Variants in PON3 observed in about 807,000 individuals in gnomAD.
PON3 encodes paraoxonase 3.
Under a neutral mutation model 36.3 loss-of-function variants are expected in PON3, and 37 were observed. The observed-to-expected ratio is 1.02, with a 90% CI of 0.78 to 1.34. The LOEUF is 1.34. Ranked by LOEUF, PON3 falls within the 40% of genes most tolerant of loss-of-function variation. The pLI is 0.00. For synonymous variants in PON3, 155 were observed against 154.8 expected (o/e 1.00, Z -0.01); for missense variants, 415 against 426.5 (o/e 0.97, Z 0.24).
At chr7:95,381,483 G>T (rs112004816) in intron 3 of PON3, among the ~76,000 whole-genome samples, 2,698 of 152,146 alleles carry the variant, frequency 0.018, 71 homozygotes, top group African/African-American at 0.061. Context: ...ACACACATAG[G>T]CTCAAAATAA....
At position 95,360,062 on chromosome 7, in the gene PON3, C is replaced by T; in HGVS notation, c.976G>A (p.Val326Met). ...VSTVYANNGS[V>M]LQGTSVASVY... ...GAAGCCACAGAGGTGCCCTGAAGCA[C>T]AGAGCCATTGTTGGCATACACGGTG... Residue 326 changes from valine to methionine, a missense_variant, in exon 9 of 9, where the codon GTG (valine) becomes ATG (methionine). Val to Met is a conservative substitution (Grantham distance 21). Transcript: ENST00000265627. The T allele has an allele frequency of 6.2e-7, 1 of 1,613,238 alleles. No homozygotes were observed. Among genetic ancestry groups the T allele is most frequent in the Non-Finnish European group, 8.5e-7 (1 of 1,179,610 alleles).
In PON3 at chr7:95,363,926, TC is replaced by T. The variant is rs755937708; in HGVS notation, c.631del (p.Glu211ArgfsTer26). On this transcript the variant is annotated frameshift_variant, in exon 6 of 9. Coordinates refer to ENST00000265627, the MANE Select transcript of PON3 (RefSeq NM_000940.3). LOFTEE classifies it high-confidence loss of function. Reference protein sequence around the residue: ...WTYVLFYSPREVKVVAKGFCS... With the variant: ...WTYVLFYSPRXVKVVAKGFCS... ...AAATCCTTTGGCCACCACTTTAACCTCCCTTGGGCTGTAGAAAAGAACATAA... is the reference window on the plus strand; with the variant it reads ...AAATCCTTTGGCCACCACTTTAACCTCCTTGGGCTGTAGAAAAGAACATAA... 4 of 1,613,748 alleles carry T rather than the reference TC, an allele frequency of 2.5e-6. No homozygotes were observed. The East Asian group carries it at 6.7e-5, about 27-fold the overall frequency.
At chr7:95,396,066 G>C (rs1049976219) in intron 1 of PON3, 1 of 630,016 alleles carries the variant, frequency 1.6e-6, no homozygotes, top group Non-Finnish European at 2.9e-6. Context: ...AAATAAATGG[G>C]ACTAATTCGG....
At chr7:95,392,285 G>T (rs545838245) in intron 2 of PON3, among the ~76,000 whole-genome samples, 1 of 152,260 alleles carries the variant, frequency 6.6e-6, no homozygotes, top group South Asian at 2.1e-4. Context: ...TCTGCTCCCA[G>T]CCTGCTTCCA....
intron 1 of PON3, among the ~76,000 whole-genome samples, chr7:95,395,504 A>G (rs531138379): frequency 6.6e-6 from 1 of 152,320 alleles, no homozygotes; most frequent in Admixed American, 6.5e-5. Context: ...AACTGGAAGT[A>G]TTACTAATAG....
chr7:95,363,781 T>G (rs1318734455), intron 6 of PON3, 82 bp downstream of exon 6: 1 of 1,334,590 alleles, frequency 7.5e-7, no homozygotes, highest in Non-Finnish European at 1.1e-6. Context: ...TAAGCCTAAG[T>G]AAGGAAGTAA....
chr7:95,360,551 G>T (rs1301789157), intron 8 of PON3, among the ~76,000 whole-genome samples: 1 of 152,150 alleles, frequency 6.6e-6, no homozygotes, highest in Non-Finnish European at 1.5e-5. Context: ...CTGATGGGAT[G>T]GCAGTCATCA....
At position 95,372,483 on chromosome 7, in the gene PON3, T is replaced by C. The variant is rs894537160; in HGVS notation, c.202-145A>G. The C allele has an allele frequency of 5.6e-6, 5 of 889,020 alleles. No individual in the cohort carries two copies. The African/African-American group carries it at 8.4e-5, about 15-fold the overall frequency. 55.1% of individuals were successfully genotyped at this position (889,020 alleles called of 1,614,324 possible). A position where few individuals can be genotyped will look rare whatever the true frequency, so the allele number is the denominator to read the frequency against. On this transcript the variant is annotated intron_variant, in intron 3 of 8. Coordinates refer to ENST00000265627, the MANE Select transcript of PON3 (RefSeq NM_000940.3). ...CTGGGCTTTTTCACTCTGTCAGCTG[T>C]TTCCATGATCTGATCTGGGGTGTTA...
chr7:95,372,066 G>A, intron 4 of PON3, 107 bp downstream of exon 4: 1 of 1,313,588 alleles, frequency 7.6e-7, no homozygotes, highest in East Asian at 2.3e-5. Flanking sequence ...CATCTGTATG[G>A]TAAAATAGCA....
chr7:95,382,612 A>G (rs1032846890), intron 3 of PON3, among the ~76,000 whole-genome samples: 3 of 152,256 alleles, frequency 2.0e-5, no homozygotes, highest in Non-Finnish European at 2.9e-5. Context: ...GAAGAAATGG[A>G]TAAATTCCTC....
At chr7:95,374,751 T>G (rs1808878391) in intron 3 of PON3, among the ~76,000 whole-genome samples, 1 of 152,200 alleles carries the variant, frequency 6.6e-6, no homozygotes, top group African/African-American at 2.4e-5. Flanking sequence ...TCTGCTTCTC[T>G]GTGGCATTTG....
At chr7:95,370,552 G>C (rs1000949809) in intron 4 of PON3, among the ~76,000 whole-genome samples, 2 of 152,162 alleles carry the variant, frequency 1.3e-5, no homozygotes, top group Non-Finnish European at 2.9e-5. Flanking sequence ...AGCAGAGCTT[G>C]CTAAGCAAAT....
rs765305321 is a variant in PON3, at chr7:95,392,617, T to C, written c.145+2027A>G. ...TCCACTAAGTTGATGGAAAATCCAA[T>C]CTGAGTCATTACTGGGTTTGTCTGT... On this transcript the variant is annotated intron_variant, in intron 2 of 8. Coordinates refer to ENST00000265627, the MANE Select transcript of PON3 (RefSeq NM_000940.3). Among the ~76,000 whole-genome samples the C allele has an allele frequency of 1.8e-4, 27 of 152,338 alleles. No homozygotes were observed. The Middle Eastern group carries it at 0.01, about 58-fold the overall frequency.
In PON3 at chr7:95,362,347, G is replaced by T; in HGVS notation, c.906+15C>A. 6.2e-7 allele frequency: 1 copy of T among 1,613,496 alleles called. No homozygotes were observed. The highest frequency in any genetic ancestry group is 2.2e-5 in the East Asian group (1 of 44,876). ...GCAGCTTTGCCTGTGAGCTCAGAGA[G>T]GTATAGGAACTTACTTCTGATCCTG... On this transcript the variant is annotated intron_variant, in intron 8 of 8. Transcript: ENST00000265627.
chr7:95,396,341 G>C lies in PON3; in HGVS notation c.10C>G (p.Leu4Val). The C allele has an allele frequency of 2.5e-6, 4 of 1,613,972 alleles. No homozygotes were observed. Among genetic ancestry groups the C allele is most frequent in the Non-Finnish European group, 2.5e-6 (3 of 1,179,944 alleles). The change falls in exon 1 of 9, where the codon CTC becomes GTC. Residue 4 changes from leucine to valine, a missense_variant. By Grantham distance (32) the Leu-to-Val change is conservative. Coordinates refer to ENST00000265627, the MANE Select transcript of PON3 (RefSeq NM_000940.3). MGKLVALVLLGVGL... is the reference protein window; with the variant it reads MGKVVALVLLGVGL... ...ACCCCCAGCAGGACCAGCGCCACGAGCTTCCCCATGGTCTCGGGGTGCCCA... is the reference window on the plus strand; with the variant it reads ...ACCCCCAGCAGGACCAGCGCCACGACCTTCCCCATGGTCTCGGGGTGCCCA...
intron 5 of PON3, among the ~76,000 whole-genome samples, chr7:95,366,414 C>T (rs540963919): frequency 2.0e-5 from 3 of 152,310 alleles, no homozygotes; most frequent in African/African-American, 7.2e-5. Flanking sequence ...TCTCTTACTT[C>T]TATGCTCTGC....
At position 95,362,797 on chromosome 7, in the gene PON3, A is replaced by G. The variant is rs142620825; in HGVS notation, c.740T>C (p.Met247Thr). The G allele has an allele frequency of 6.6e-5, 106 of 1,612,186 alleles. No homozygotes were observed. The African/African-American group carries it at 1.4e-3, about 21-fold the overall frequency. Residue 247 changes from methionine to threonine, a missense_variant, in exon 7 of 9, where the codon ATG becomes ACG. Transcript: ENST00000265627. Reference protein sequence around the residue: ...ADVAAKNIHIMEKHDNWDLTQ... With the variant: ...ADVAAKNIHITEKHDNWDLTQ... ...TAAATCCCAGTTATCATGTTTTTCCATTATGTGAATGTTCTTAGCTGCTAC... is the reference window on the plus strand; with the variant it reads ...TAAATCCCAGTTATCATGTTTTTCCGTTATGTGAATGTTCTTAGCTGCTAC...
intron 5 of PON3, chr7:95,365,539 T>G (rs1280147536): frequency 1.3e-5 from 2 of 152,220 alleles, no homozygotes; most frequent in African/African-American, 4.8e-5. Flanking sequence ...TACTGGAGGA[T>G]AAGTCCATGA....
At chr7:95,362,642 T>C (rs1234942341) in intron 7 of PON3, 118 bp downstream of exon 7, 7 of 1,376,236 alleles carry the variant, frequency 5.1e-6, no homozygotes, top group Non-Finnish European at 7.2e-6. Context: ...GCATGCATAA[T>C]CTCACTGGCA....
Sources: allele counts gnomAD v4.1 joint callset (sites outside exome capture counted in the v4.1 genomes callset), GRCh38; gene constraint gnomAD v4.1.1; transcripts MANE v1.5; gene names NCBI Gene and HGNC (gene_info 2026-07-23, HGNC 2026-07-21).